Variants in PTPRG observed in about 807,000 individuals in gnomAD.
PTPRG encodes receptor-type tyrosine-protein phosphatase gamma.
In PTPRG, 102 loss-of-function variants were observed where a neutral mutation model predicts 165.3. That is an observed-to-expected ratio of 0.62 (90% CI 0.53 to 0.73). The LOEUF (loss-of-function observed/expected upper bound fraction) is 0.73. PTPRG is among the 30% of genes least tolerant of loss of function. The probability of loss-of-function intolerance (pLI) is 0.00; values close to 1 mark genes in which losing one functional copy is unlikely to be tolerated. For missense variants in PTPRG, 1,866 were observed against 1,861.4 expected, an observed-to-expected ratio of 1.00 and a Z score of -0.05; for synonymous variants, 675 against 669.5, an observed-to-expected ratio of 1.01 and a Z score of -0.13.
chr3:62,078,310 T>A, intron 5 of PTPRG, 52 bp downstream of exon 5: 1 of 1,299,438 alleles, frequency 7.7e-7, no homozygotes, highest in Non-Finnish European at 1.1e-6. Context: ...GTATTTTTTT[T>A]AATTTGCCGA....
intron 14 of PTPRG, among the ~76,000 whole-genome samples, chr3:62,234,042 A>C (rs1700967602): frequency 6.6e-6 from 1 of 152,176 alleles, no homozygotes; most frequent in African/African-American, 2.4e-5. Context: ...TTACACATAT[A>C]TAATATATAA....
At position 62,281,663 on chromosome 3, in the gene PTPRG, A is replaced by G. The variant is rs775471664; in HGVS notation, c.3866A>G (p.Asn1289Ser). 6.2e-7 allele frequency: 1 copy of G among 1,611,446 alleles called. No homozygotes were observed. Among genetic ancestry groups the G allele is most frequent in the Non-Finnish European group, 8.5e-7 (1 of 1,178,670 alleles). ...LISKDRLCLS[N>S]EEQIIIHDFI... Reference sequence around the variant, plus strand: ...AGCAAAGACAGACTGTGCCTCTCTAATGAAGAACAAATTATCATCCATGAC... The same window carrying G: ...AGCAAAGACAGACTGTGCCTCTCTAGTGAAGAACAAATTATCATCCATGAC... Residue 1289 changes from asparagine (N) to serine (S), a missense_variant, in exon 27 of 30, where the codon AAT becomes AGT. Coordinates refer to ENST00000474889, the MANE Select transcript of PTPRG (RefSeq NM_002841.4).
intron 8 of PTPRG, among the ~76,000 whole-genome samples, chr3:62,189,904 A>C (rs72878104): frequency 0.15 from 23,548 of 152,058 alleles, 4,043 homozygotes; most frequent in African/African-American, 0.43. Context: ...CTTTTCTGTG[A>C]CTTGCTCCAG....
chr3:61,769,577 A>G (rs914845444), intron 2 of PTPRG: 2 of 152,202 alleles, frequency 1.3e-5, no homozygotes, highest in Admixed American at 6.5e-5. Flanking sequence ...TTAGATGCCC[A>G]CTAATGGTTT....
At position 62,243,879 on chromosome 3, in the gene PTPRG, C is replaced by T. The variant is rs1352882; in HGVS notation, c.2448C>T (p.Ile816=). The T allele has an allele frequency of 1, 1,554,053 of 1,559,840 alleles. 774,334 individuals carry two copies. Among genetic ancestry groups the T allele is most frequent in the East Asian group, 1 (44,504 of 44,504 alleles). Residue 816 remains isoleucine, a synonymous_variant, in exon 15 of 30, where the codon ATC becomes ATT. Coordinates refer to ENST00000474889, the MANE Select transcript of PTPRG (RefSeq NM_002841.4). ...CTCGAGTGGTCCCTAATGAAAGTATCCCTATTATTCCTATTCCGGGTAAGT... is the reference window on the plus strand; with the variant it reads ...CTCGAGTGGTCCCTAATGAAAGTATTCCTATTATTCCTATTCCGGGTAAGT... ...SSPRVVPNES[I]PIIPIPDDME...
intron 12 of PTPRG, among the ~76,000 whole-genome samples, chr3:62,215,761 G>A (rs761861403): frequency 1.3e-5 from 2 of 152,096 alleles, no homozygotes; most frequent in Non-Finnish European, 2.9e-5. Context: ...CACTCACCCT[G>A]TAGAGGAGGA....
chr3:62,034,673 C>T (rs1037441473), intron 4 of PTPRG, among the ~76,000 whole-genome samples: 3 of 152,208 alleles, frequency 2.0e-5, no homozygotes, highest in African/African-American at 7.2e-5. Flanking sequence ...GTGATAAAGG[C>T]ATTACAACGG....
intron 2 of PTPRG, among the ~76,000 whole-genome samples, chr3:61,867,566 A>G (rs997049767): frequency 1.3e-5 from 2 of 152,146 alleles, no homozygotes; most frequent in Non-Finnish European, 2.9e-5. Flanking sequence ...TTGAGGGCCC[A>G]GAAAGGTAAA....
Position 61,870,633 on chromosome 3 carries a change from A to T in PTPRG, c.191-118992A>T, listed in dbSNP as rs1234516216. ...TGAGCTCAGGTGATCCACCCACCTCAGCCTCCCAAAGTGCTGGGATTACAG... is the reference window on the plus strand; with the variant it reads ...TGAGCTCAGGTGATCCACCCACCTCTGCCTCCCAAAGTGCTGGGATTACAG... On this transcript the variant is annotated intron_variant, in intron 2 of 29. Coordinates refer to ENST00000474889, the MANE Select transcript of PTPRG (RefSeq NM_002841.4). Among the ~76,000 whole-genome samples the T allele has an allele frequency of 1.0e-4, 15 of 146,982 alleles. No homozygotes were observed. The South Asian group carries it at 1.1e-3, about 11-fold the overall frequency.
rs148189080 is a variant in PTPRG at position 61,962,377 on chromosome 3, C to T, written c.191-27248C>T. Among the ~76,000 whole-genome samples the T allele has an allele frequency of 1.0e-3, 153 of 152,310 alleles. 1 individual carries two copies. Among genetic ancestry groups the T allele is most frequent in the African/African-American group, 3.5e-3 (144 of 41,568 alleles). Reference sequence around the variant, plus strand: ...ACCTAGTTGTGAAATCTTTCCTTTGCTCCTGTAGTTGCATGGCTTGAGGGA... The same window carrying T: ...ACCTAGTTGTGAAATCTTTCCTTTGTTCCTGTAGTTGCATGGCTTGAGGGA... On this transcript the variant is annotated intron_variant, in intron 2 of 29. Coordinates refer to ENST00000474889, the MANE Select transcript of PTPRG (RefSeq NM_002841.4).
At chr3:61,672,169 G>A (rs1344347396) in intron 1 of PTPRG, among the ~76,000 whole-genome samples, 1 of 144,294 alleles carries the variant, frequency 6.9e-6, no homozygotes, top group Non-Finnish European at 1.5e-5. Context: ...GATGGCGGCC[G>A]GGAAGAGGCG....
At chr3:61,747,933 A>G (rs1304657977) in intron 1 of PTPRG, among the ~76,000 whole-genome samples, 1 of 152,110 alleles carries the variant, frequency 6.6e-6, no homozygotes, top group Admixed American at 6.6e-5. Context: ...CTTCTTATAC[A>G]TCAGTGTTTT....
At chr3:61,804,010 C>T (rs1214030245) in intron 2 of PTPRG, among the ~76,000 whole-genome samples, 1 of 152,118 alleles carries the variant, frequency 6.6e-6, no homozygotes, top group Non-Finnish European at 1.5e-5. Flanking sequence ...AACAAGACCA[C>T]ATTCATTCAT....
chr3:62,110,772 C>T (rs538506154), intron 5 of PTPRG, among the ~76,000 whole-genome samples: 1 of 152,272 alleles, frequency 6.6e-6, no homozygotes, highest in African/African-American at 2.4e-5. Context: ...AATTGTTTCC[C>T]ACTTTCTCTG....
intron 19 of PTPRG, among the ~76,000 whole-genome samples, chr3:62,268,410 T>C (rs766406896): frequency 4.6e-5 from 7 of 152,132 alleles, no homozygotes; most frequent in Non-Finnish European, 7.4e-5. Flanking sequence ...ACTGGGTTGA[T>C]AGGTGCATCA....
At chr3:61,798,432 A>G (rs2035124973) in intron 2 of PTPRG, among the ~76,000 whole-genome samples, 1 of 152,208 alleles carries the variant, frequency 6.6e-6, no homozygotes, top group African/African-American at 2.4e-5. Context: ...AATATCAGGC[A>G]TGAAATTACT....
chr3:61,924,540 C>G lies in PTPRG; in HGVS notation c.191-65085C>G, dbSNP rs1335115787. 6.6e-5 allele frequency among the ~76,000 whole-genome samples: 10 copies of G among 152,362 alleles called. No individual in the cohort carries two copies. In the South Asian group the frequency reaches 1.4e-3, roughly 22 times the overall value. On this transcript the variant is annotated intron_variant, in intron 2 of 29. Coordinates refer to ENST00000474889, the MANE Select transcript of PTPRG (RefSeq NM_002841.4). ...ACAATTGGCACAAATTGTTCAGCAT[C>G]TCCCACGTGCTGTCACTGTGCTGAG...
At chr3:61,680,071 AGC>A (rs1295038550) in intron 1 of PTPRG, among the ~76,000 whole-genome samples, 5 of 152,230 alleles carry the variant, frequency 3.3e-5, no homozygotes. Flanking sequence ...TGATGAGCAG[AGC>A]AAACCAGAGC....
At chr3:62,261,302 A>G (rs1186995095) in intron 16 of PTPRG, among the ~76,000 whole-genome samples, 1 of 152,216 alleles carries the variant, frequency 6.6e-6, no homozygotes. Context: ...TCTTCAAAAG[A>G]GCATGGCTCA....
Sources: allele counts gnomAD v4.1 joint callset (sites outside exome capture counted in the v4.1 genomes callset), GRCh38; gene constraint gnomAD v4.1.1; transcripts MANE v1.5; gene names NCBI Gene and HGNC (gene_info 2026-07-23, HGNC 2026-07-21).